DYRK2: variants seen among roughly 807,000 people sequenced by gnomAD.
DYRK2 encodes the protein dual specificity tyrosine phosphorylation regulated kinase 2, also known as dual specificity tyrosine-phosphorylation-regulated kinase 2.
In DYRK2, 12 loss-of-function variants were observed where a neutral mutation model predicts 41.6. The observed-to-expected ratio is 0.29, with a 90% CI of 0.18 to 0.47. The LOEUF is 0.47. Among genes scored for constraint, DYRK2 ranks in the 20% least tolerant of loss-of-function variants. The probability of loss-of-function intolerance (pLI) is 1.00; values close to 1 mark genes in which losing one functional copy is unlikely to be tolerated. For missense variants in DYRK2, 678 were observed against 798.4 expected, an observed-to-expected ratio of 0.85 and a Z score of 1.82; for synonymous variants, 322 against 315.7, an observed-to-expected ratio of 1.02 and a Z score of -0.21.
rs967126379 is a variant in DYRK2, at chr12:67,661,877, G to C, written c.*3164G>C. On this transcript the variant is annotated 3_prime_UTR_variant, in exon 3 of 3. Coordinates refer to ENST00000344096, the MANE Select transcript of DYRK2 (RefSeq NM_006482.3). Reference sequence around the variant, plus strand: ...ACCTCAAACCATTTAATTTTATAGTGTGATTAATCCCAGGGCATTTGGTAT... The same window carrying C: ...ACCTCAAACCATTTAATTTTATAGTCTGATTAATCCCAGGGCATTTGGTAT... The C allele has an allele frequency of 1.2e-5, 2 of 166,622 alleles. No homozygotes were observed. The highest frequency in any genetic ancestry group is 4.8e-5 in the African/African-American group (2 of 41,362). The allele number at this position is 166,622 out of a possible 1,614,324, so 10.3% of individuals were successfully genotyped here.
rs1872588058 is a variant in DYRK2, at chr12:67,660,297, C to A, written c.*1584C>A. On this transcript the variant is annotated 3_prime_UTR_variant, in exon 3 of 3. Transcript: ENST00000344096. ...ATTTACAAGTACTTAAAAGCGTGGT[C>A]CCCAGTGAGGCCAAGAAAGTTTCCG... The A allele has an allele frequency of 6.0e-6, 1 of 166,622 alleles. No individual in the cohort carries two copies. The highest frequency in any genetic ancestry group is 2.4e-5 in the African/African-American group (1 of 41,286). The allele number at this position is 166,622 out of a possible 1,614,324, so 10.3% of individuals were successfully genotyped here.
intron 1 of DYRK2, 183 bp from the exon 2 acceptor site, chr12:67,649,614 C>T (rs1476418467): frequency 1.4e-6 from 1 of 698,620 alleles, no homozygotes; most frequent in Non-Finnish European, 2.0e-6. Flanking sequence ...TGCAGCTGCC[C>T]GCGCCCCGCC....
chr12:67,656,503 A>G (rs955783667), intron 2 of DYRK2, among the ~76,000 whole-genome samples: 2 of 152,236 alleles, frequency 1.3e-5, no homozygotes, highest in African/African-American at 2.4e-5. Flanking sequence ...GTACACATCT[A>G]CATGGGAATC....
intron 2 of DYRK2, among the ~76,000 whole-genome samples, chr12:67,656,565 C>T (rs1872474770): frequency 6.6e-6 from 1 of 152,092 alleles, no homozygotes; most frequent in Non-Finnish European, 1.5e-5. Flanking sequence ...ATCATGTGTG[C>T]ACTTAGGTTT....
In DYRK2 at chr12:67,657,048, T is replaced by C. The variant is rs986078966; in HGVS notation, c.199-58T>C. The C allele has an allele frequency of 7.7e-5, 115 of 1,502,852 alleles. No homozygotes were observed. In the Middle Eastern group the frequency reaches 1.1e-3, roughly 14 times the overall value. 93.1% of individuals were successfully genotyped at this position (1,502,852 alleles called of 1,614,324 possible). A position where few individuals can be genotyped will look rare whatever the true frequency, so the allele number is the denominator to read the frequency against. On this transcript the variant is annotated intron_variant, in intron 2 of 2. Transcript: ENST00000344096. This position sits in a 1 kb window ranked among gnomAD's most constrained non-coding sequence, Gnocchi z 4.8. ...CGGTGGTGTTGTTGGGGGTTACTTATACACCATTTGAACAGACACCACTTC... is the reference window on the plus strand; with the variant it reads ...CGGTGGTGTTGTTGGGGGTTACTTACACACCATTTGAACAGACACCACTTC...
In DYRK2 at chr12:67,664,064, A is replaced by T. The variant is rs947729060; in HGVS notation, c.*5351A>T. ...AATTACACTTGATTTCCTTTGGGTT[A>T]TTAGGCAGATAAACCCTTGTCATTA... On this transcript the variant is annotated 3_prime_UTR_variant, in exon 3 of 3. Transcript: ENST00000344096. 2 of 152,068 alleles carry T rather than the reference A, an allele frequency of 1.3e-5. No homozygotes were observed. Among genetic ancestry groups the T allele is most frequent in the Admixed American group, 1.3e-4 (2 of 15,250 alleles). 9.4% of individuals were successfully genotyped at this position (152,068 alleles called of 1,614,324 possible). A position where few individuals can be genotyped will look rare whatever the true frequency, so the allele number is the denominator to read the frequency against.
Position 67,657,796 on chromosome 12 carries a change from A to G in DYRK2, c.889A>G (p.Ile297Val), listed in dbSNP as rs1872523475. 6.2e-7 allele frequency: 1 copy of G among 1,614,266 alleles called. No individual in the cohort carries two copies. The highest frequency in any genetic ancestry group is 8.5e-7 in the Non-Finnish European group (1 of 1,180,054). Residue 297 changes from isoleucine (I) to valine (V), a missense_variant, in exon 3 of 3, where the codon ATC (isoleucine) becomes GTC (valine). Coordinates refer to ENST00000344096, the MANE Select transcript of DYRK2 (RefSeq NM_006482.3). The surrounding 1 kb of genome is among the most constrained non-coding windows in gnomAD (Gnocchi z 4.8). The stretch of plus-strand genomic sequence containing the variant: ...GGAGAATTTCACCTTCCGCAACCAC[A>G]TCTGCATGACGTTTGAGCTGCTGAG... ...MLENFTFRNH[I>V]CMTFELLSMN...
chr12:67,655,314 G>C (rs774728683), intron 2 of DYRK2, among the ~76,000 whole-genome samples: 7 of 152,148 alleles, frequency 4.6e-5, no homozygotes, highest in Non-Finnish European at 1.0e-4. Flanking sequence ...GATTCTATAG[G>C]AGAGAGATAT....
At chr12:67,649,269 G>A in intron 1 of DYRK2, 87 bp downstream of exon 1, 1 of 1,118,870 alleles carries the variant, frequency 8.9e-7, no homozygotes, top group Non-Finnish European at 1.1e-6. Context: ...CTGCCTGCGG[G>A]ACCTCGAACA....
In DYRK2 at chr12:67,663,312, G is replaced by C. The variant is rs1872670728; in HGVS notation, c.*4599G>C. The C allele has an allele frequency of 6.6e-6, 1 of 152,098 alleles. No homozygotes were observed. The highest frequency in any genetic ancestry group is 2.4e-5 in the African/African-American group (1 of 41,438). The allele number at this position is 152,098 out of a possible 1,614,324, so 9.4% of individuals were successfully genotyped here. On this transcript the variant is annotated 3_prime_UTR_variant, in exon 3 of 3. Transcript: ENST00000344096. ...GCTAAGAGTTTACTTACAGATGACA[G>C]CAAGCAGATGCTCTAGTAATTCGTC... is the stretch of plus-strand genomic sequence containing the variant.
intron 1 of DYRK2, 165 bp from the exon 2 acceptor site, chr12:67,649,632 G>A: frequency 1.3e-6 from 1 of 794,120 alleles, no homozygotes; most frequent in Non-Finnish European, 1.7e-6. Context: ...GCCCGTGGGT[G>A]TGCGCTGGGG....
rs1872650450 is a variant in DYRK2 at position 67,662,434 on chromosome 12, ATGGT to A, written c.*3724_*3727del. On this transcript the variant is annotated 3_prime_UTR_variant, in exon 3 of 3. Transcript: ENST00000344096. Reference sequence around the variant, plus strand: ...CTGTGTGTACTGAAAATATGTGAAAATGGTTGAATGTGGACTGTGTATATATGTA... The same window carrying A: ...CTGTGTGTACTGAAAATATGTGAAAATGAATGTGGACTGTGTATATATGTA... 6.0e-6 allele frequency: 1 copy of A among 166,838 alleles called. No individual in the cohort carries two copies. The highest frequency in any genetic ancestry group is 2.4e-5 in the African/African-American group (1 of 41,434). The allele number at this position is 166,838 out of a possible 1,614,324, so 10.3% of individuals were successfully genotyped here.
chr12:67,657,017 T>TG lies in DYRK2; in HGVS notation c.199-84dup. 1 of 1,331,274 alleles carries TG rather than the reference T, an allele frequency of 7.5e-7. No homozygotes were observed. Among genetic ancestry groups the TG allele is most frequent in the Non-Finnish European group, 1.0e-6 (1 of 1,000,168 alleles). 82.5% of individuals were successfully genotyped at this position (1,331,274 alleles called of 1,614,324 possible). ...AAATGGGATTTTGTAAATGTGAGGTTGGGGGCGGTGGTGTTGTTGGGGGTT... is the reference window on the plus strand; with the variant it reads ...AAATGGGATTTTGTAAATGTGAGGTTGGGGGGCGGTGGTGTTGTTGGGGGTT... On this transcript the variant is annotated intron_variant, in intron 2 of 2. Coordinates refer to ENST00000344096, the MANE Select transcript of DYRK2 (RefSeq NM_006482.3). This position sits in a 1 kb window ranked among gnomAD's most constrained non-coding sequence, Gnocchi z 4.8.
At chr12:67,651,211 A>C (rs575857861) in intron 2 of DYRK2, among the ~76,000 whole-genome samples, 6 of 152,196 alleles carry the variant, frequency 3.9e-5, no homozygotes, top group African/African-American at 1.2e-4. Context: ...ATGATTCTGT[A>C]TATTACTGTT....
In DYRK2 at chr12:67,662,751, G is replaced by A; in HGVS notation, c.*4038G>A. On this transcript the variant is annotated 3_prime_UTR_variant, in exon 3 of 3. Transcript: ENST00000344096. ...AATTAGCCTGGAGAGGGTTTAGAAT[G>A]CAAAATGGATAGCTCTATATCAGGG... 1 of 157,560 alleles carries A rather than the reference G, an allele frequency of 6.3e-6. No individual in the cohort carries two copies. 9.8% of individuals were successfully genotyped at this position (157,560 alleles called of 1,614,324 possible). A position where few individuals can be genotyped will look rare whatever the true frequency, so the allele number is the denominator to read the frequency against.
chr12:67,649,891 C>G lies in DYRK2; in HGVS notation c.144C>G (p.Ser48=). The change falls in exon 2 of 3, where the codon TCC becomes TCG. Residue 48 remains serine, a synonymous_variant. Coordinates refer to ENST00000344096, the MANE Select transcript of DYRK2 (RefSeq NM_006482.3). ...GCGGAGTGGGGACTGGCCCGCCCTC[C>G]CCCATCGCCCTGCCGCCTCTCCGGG... is the stretch of plus-strand genomic sequence containing the variant. The part of the protein sequence containing the change: ...TRSGVGTGPP[S]PIALPPLRAS... 6 of 1,381,938 alleles carry G rather than the reference C, an allele frequency of 4.3e-6. No homozygotes were observed. The highest frequency in any genetic ancestry group is 5.6e-6 in the Non-Finnish European group (6 of 1,072,588). The allele number at this position is 1,381,938 out of a possible 1,614,324, so 85.6% of individuals were successfully genotyped here.
chr12:67,658,424 C>T lies in DYRK2; in HGVS notation c.1517C>T (p.Pro506Leu). ...WGNALKGCDD[P>L]LFLDFLKQCL... ...AACGCGCTGAAGGGGTGTGATGATC[C>T]CCTTTTCCTTGACTTCTTAAAACAG... The change falls in exon 3 of 3, where the codon CCC becomes CTC. Residue 506 changes from proline (P) to leucine (L), a missense_variant. Physicochemically the swap from Pro to Leu is moderately conservative, Grantham distance 98. Coordinates refer to ENST00000344096, the MANE Select transcript of DYRK2 (RefSeq NM_006482.3). The surrounding 1 kb of genome is among the most constrained non-coding windows in gnomAD (Gnocchi z 4.3). The T allele has an allele frequency of 6.3e-7, 1 of 1,592,094 alleles. No individual in the cohort carries two copies. The highest frequency in any genetic ancestry group is 8.6e-7 in the Non-Finnish European group (1 of 1,169,520).
chr12:67,652,699 A>T (rs1872354719), intron 2 of DYRK2: 1 of 152,262 alleles, frequency 6.6e-6, no homozygotes. Flanking sequence ...CAAACTGGTT[A>T]GACTATTGTT....
In DYRK2 at chr12:67,657,706, A is replaced by G; in HGVS notation, c.799A>G (p.Ile267Val). 5.0e-6 allele frequency: 8 copies of G among 1,614,120 alleles called. No individual in the cohort carries two copies. The highest frequency in any genetic ancestry group is 6.8e-6 in the Non-Finnish European group (8 of 1,180,012). The change falls in exon 3 of 3, where the codon ATC becomes GTC. Residue 267 changes from isoleucine (I) to valine (V), a missense_variant. By Grantham distance (29) the Ile-to-Val change is conservative (BLOSUM62 3). Coordinates refer to ENST00000344096, the MANE Select transcript of DYRK2 (RefSeq NM_006482.3). This position sits in a 1 kb window ranked among gnomAD's most constrained non-coding sequence, Gnocchi z 4.8. ...CTTCCACCGGCAAGCAGCGGAGGAG[A>G]TCCGAATCCTGGAACACCTGCGGAA... ...KRFHRQAAEE[I>V]RILEHLRKQD... is the part of the protein sequence containing the mutation.
Sources: allele counts gnomAD v4.1 joint callset (sites outside exome capture counted in the v4.1 genomes callset), GRCh38; gene constraint gnomAD v4.1.1; non-coding constraint Gnocchi (gnomAD v3.1); transcripts MANE v1.5; gene names NCBI Gene and HGNC (gene_info 2026-07-23, HGNC 2026-07-21).